TFB2M: variants seen among roughly 807,000 people sequenced by gnomAD.
TFB2M encodes dimethyladenosine transferase 2, mitochondrial.
Under a neutral mutation model 41.3 loss-of-function variants are expected in TFB2M, and 44 were observed. The observed-to-expected ratio is 1.07, with a 90% CI of 0.84 to 1.37. The LOEUF (loss-of-function observed/expected upper bound fraction) is 1.37. Among genes scored for constraint, TFB2M ranks in the 40% most tolerant of loss-of-function variants. The probability of loss-of-function intolerance (pLI) is 0.00; values close to 1 mark genes in which losing one functional copy is unlikely to be tolerated. For synonymous variants in TFB2M, 188 were observed against 176.8 expected (o/e 1.06, Z -0.50); for missense variants, 496 against 490.2 (o/e 1.01, Z -0.11).
chr1:246,546,659 C>T (rs1288591091), intron 6 of TFB2M, among the ~76,000 whole-genome samples: 2 of 143,832 alleles, frequency 1.4e-5, no homozygotes, highest in African/African-American at 5.3e-5. Flanking sequence ...AAAAAAAAAA[C>T]CCAAACATGG....
chr1:246,561,945 C>T (rs1441174415), intron 2 of TFB2M, among the ~76,000 whole-genome samples: 2 of 151,682 alleles, frequency 1.3e-5, no homozygotes, highest in Non-Finnish European at 2.9e-5. Context: ...TTTTAATTTC[C>T]AAGTTGAAAC....
intron 5 of TFB2M, 26 bp downstream of exon 5, chr1:246,551,187 T>G: frequency 1.3e-6 from 2 of 1,589,694 alleles, no homozygotes; most frequent in Non-Finnish European, 8.6e-7. Flanking sequence ...AAGAAAAACG[T>G]TTTTAAACAG....
intron 2 of TFB2M, among the ~76,000 whole-genome samples, chr1:246,561,661 G>T (rs1406564547): frequency 1.3e-5 from 2 of 152,102 alleles, no homozygotes. Flanking sequence ...TAGAGATGGG[G>T]TTTCACTATG....
In TFB2M at chr1:246,566,184, C is replaced by A; in HGVS notation, c.-46G>T. 6.4e-7 allele frequency: 1 copy of A among 1,561,784 alleles called. No individual in the cohort carries two copies. The highest frequency in any genetic ancestry group is 1.2e-5 in the South Asian group (1 of 86,700). On this transcript the variant is annotated 5_prime_UTR_variant, in exon 1 of 8. It removes the in-frame stop codon of an upstream open reading frame in the 5' UTR. Coordinates refer to ENST00000366514, the MANE Select transcript of TFB2M (RefSeq NM_022366.3). ...CTCCAAGAATCACCTAGTGCAGCTA[C>A]TACAGTGAACCCCACGCAGGGTATC...
In TFB2M at chr1:246,564,152, ACTC is replaced by A. The variant is rs567467080; in HGVS notation, c.402+191_402+193del. On this transcript the variant is annotated intron_variant, in intron 2 of 7. Transcript: ENST00000366514. ...CTAGAACTAGCAAACAAGTCTTAGA[ACTC>A]CTCATGTTTCAGCCATTCAACAGCA... Among the ~76,000 whole-genome samples the A allele has an allele frequency of 1.3e-3, 199 of 152,238 alleles. 1 individual carries two copies. Among genetic ancestry groups the A allele is most frequent in the African/African-American group, 4.6e-3 (190 of 41,532 alleles).
intron 3 of TFB2M, 129 bp downstream of exon 3, chr1:246,557,252 G>A (rs1465084630): frequency 2.8e-6 from 3 of 1,067,570 alleles, no homozygotes; most frequent in Non-Finnish European, 4.1e-6. Context: ...CAGCCTGGGT[G>A]ACAGAGTGAG....
At chr1:246,562,794 G>A (rs1180147169) in intron 2 of TFB2M, among the ~76,000 whole-genome samples, 1 of 152,016 alleles carries the variant, frequency 6.6e-6, no homozygotes, top group East Asian at 1.9e-4. Context: ...CGAGTAGCTG[G>A]GACTACAGGC....
chr1:246,545,768 C>T (rs1056694688), intron 6 of TFB2M, among the ~76,000 whole-genome samples: 4 of 144,614 alleles, frequency 2.8e-5, no homozygotes, highest in Admixed American at 1.4e-4. Flanking sequence ...GCCGAGATTA[C>T]GCCATTGCAC....
chr1:246,564,345 C>G lies in TFB2M; in HGVS notation c.402+1G>C, dbSNP rs1311872850. On this transcript the variant is annotated splice_donor_variant, in intron 2 of 7. Coordinates refer to ENST00000366514, the MANE Select transcript of TFB2M (RefSeq NM_022366.3). LOFTEE classifies it high-confidence loss of function. ...CATACGTTGAGAAACTAAAAATATACCTCCAAATGTGGAATAAAAGTTTTG... is the reference window on the plus strand; with the variant it reads ...CATACGTTGAGAAACTAAAAATATAGCTCCAAATGTGGAATAAAAGTTTTG... The G allele has an allele frequency of 1.2e-6, 2 of 1,613,772 alleles. No homozygotes were observed. Among genetic ancestry groups the G allele is most frequent in the South Asian group, 2.2e-5 (2 of 91,066 alleles).
chr1:246,565,737 C>T, intron 1 of TFB2M, 89 bp downstream of exon 1: 1 of 1,385,512 alleles, frequency 7.2e-7, no homozygotes, highest in Non-Finnish European at 9.8e-7. Flanking sequence ...AAAAAAGACC[C>T]CCCAGTATCT....
intron 3 of TFB2M, 67 bp from the exon 4 acceptor site, chr1:246,556,788 T>C: frequency 7.6e-7 from 1 of 1,323,212 alleles, no homozygotes; most frequent in Middle Eastern, 1.9e-4. Context: ...TCCATATTTT[T>C]TTGAGACAAA....
chr1:246,554,679 G>A (rs941593431), intron 4 of TFB2M, among the ~76,000 whole-genome samples: 2 of 152,030 alleles, frequency 1.3e-5, no homozygotes, highest in African/African-American at 2.4e-5. Context: ...AATAATAATA[G>A]AAATAAAGTG....
chr1:246,565,760 C>G, intron 1 of TFB2M, 66 bp downstream of exon 1: 1 of 1,515,858 alleles, frequency 6.6e-7, no homozygotes, highest in South Asian at 1.2e-5. Context: ...AATAGCACCC[C>G]GAGGAGGGTC....
rs555979388 is a variant in TFB2M at position 246,560,966 on chromosome 1, C to T, written c.402+3380G>A. ...GTCTCTACTAAAAATACAAAAAATT[C>T]GTCGGTCGTGGTGGCGGTCACCTGT... On this transcript the variant is annotated intron_variant, in intron 2 of 7. Transcript: ENST00000366514. Among the ~76,000 whole-genome samples the T allele has an allele frequency of 5.9e-5, 9 of 152,106 alleles. No individual in the cohort carries two copies. The South Asian group carries it at 1.2e-3, about 21-fold the overall frequency.
chr1:246,560,739 A>C (rs1356551774), intron 2 of TFB2M, among the ~76,000 whole-genome samples: 1 of 152,190 alleles, frequency 6.6e-6, no homozygotes, highest in African/African-American at 2.4e-5. Context: ...ATTCAAAAAC[A>C]GAATGGGAAA....
At position 246,554,849 on chromosome 1, in the gene TFB2M, C is replaced by A. The variant is rs186967707; in HGVS notation, c.705+1724G>T. 1.4e-3 allele frequency among the ~76,000 whole-genome samples: 213 copies of A among 152,140 alleles called. 2 individuals carry two copies. Among genetic ancestry groups the A allele is most frequent in the Middle Eastern group, 6.8e-3 (2 of 294 alleles). ...ACAGGCAACAAAAGAGAAAAAAAGA[C>A]AAAGTTGACTTCATCAAAATGAAAA... is the stretch of plus-strand genomic sequence containing the variant. On this transcript the variant is annotated intron_variant, in intron 4 of 7. Coordinates refer to ENST00000366514, the MANE Select transcript of TFB2M (RefSeq NM_022366.3).
intron 5 of TFB2M, among the ~76,000 whole-genome samples, chr1:246,550,595 G>C (rs2102986215): frequency 6.6e-6 from 1 of 152,248 alleles, no homozygotes. Flanking sequence ...TTAAAAATTA[G>C]AGCCAGGGCC....
intron 4 of TFB2M, among the ~76,000 whole-genome samples, chr1:246,553,369 A>T (rs1659234859): frequency 6.6e-6 from 1 of 152,206 alleles, no homozygotes; most frequent in Non-Finnish European, 1.5e-5. Flanking sequence ...GCTAGTAATT[A>T]AAAACACAAA....
chr1:246,544,789 C>T (rs1658953444), intron 6 of TFB2M, 108 bp from the exon 7 acceptor site: 1 of 908,596 alleles, frequency 1.1e-6, no homozygotes, highest in South Asian at 1.8e-5. Context: ...TCACCACAGG[C>T]CCTGAGTGTC....
Sources: allele counts gnomAD v4.1 joint callset (sites outside exome capture counted in the v4.1 genomes callset), GRCh38; gene constraint gnomAD v4.1.1; transcripts MANE v1.5; gene names NCBI Gene and HGNC (gene_info 2026-07-23, HGNC 2026-07-21).